Variants in CPAMD8 observed in about 807,000 individuals in gnomAD.
CPAMD8 encodes C3 and PZP-like alpha-2-macroglobulin domain-containing protein 8.
Under a neutral mutation model 224.7 loss-of-function variants are expected in CPAMD8, and 146 were observed. That is an observed-to-expected ratio of 0.65 (90% CI 0.57 to 0.75). The LOEUF is 0.75. Ranked by LOEUF, CPAMD8 falls within the 30% of genes least tolerant of loss-of-function variation. CPAMD8 has a pLI of 0.00. For synonymous variants in CPAMD8, 966 were observed against 1,044.6 expected, an observed-to-expected ratio of 0.92 and a Z score of 1.45; for missense variants, 2,301 against 2,537.5, an observed-to-expected ratio of 0.91 and a Z score of 2.00.
At chr19:16,930,344 A>T (rs560469699) in intron 23 of CPAMD8, among the ~76,000 whole-genome samples, 2 of 152,198 alleles carry the variant, frequency 1.3e-5, no homozygotes, top group Non-Finnish European at 2.9e-5. Flanking sequence ...AATCACCACA[A>T]TGTGATATGA....
intron 7 of CPAMD8, among the ~76,000 whole-genome samples, chr19:17,004,652 CA>C (rs1398148470): frequency 6.6e-6 from 1 of 152,122 alleles, no homozygotes; most frequent in Non-Finnish European, 1.5e-5. Flanking sequence ...CAGCCAGGGC[CA>C]GGGGCAGGCA....
intron 14 of CPAMD8, among the ~76,000 whole-genome samples, chr19:16,978,797 C>G (rs1369502374): frequency 1.3e-5 from 2 of 151,880 alleles, no homozygotes; most frequent in African/African-American, 4.8e-5. Flanking sequence ...ATCCATCCAT[C>G]TCTTCATCCA....
At chr19:16,934,028 C>T (rs577484751) in intron 23 of CPAMD8, among the ~76,000 whole-genome samples, 2 of 152,244 alleles carry the variant, frequency 1.3e-5, no homozygotes, top group African/African-American at 4.8e-5. Flanking sequence ...TTGACACATG[C>T]ACCATGGATG....
At chr19:16,932,427 T>C (rs955742070) in intron 23 of CPAMD8, among the ~76,000 whole-genome samples, 1 of 151,738 alleles carries the variant, frequency 6.6e-6, no homozygotes, top group Non-Finnish European at 1.5e-5. Flanking sequence ...TCTCAAGAAA[T>C]AGTAATGGTA....
At chr19:17,008,725 GA>G in intron 6 of CPAMD8, 166 bp from the exon 7 acceptor site, 1 of 797,910 alleles carries the variant, frequency 1.3e-6, no homozygotes, top group Non-Finnish European at 2.1e-6. Flanking sequence ...TCTGGATAGA[GA>G]AGGATTTGAA....
chr19:16,899,558 GA>G lies in CPAMD8; in HGVS notation c.4774-10del. On this transcript the variant is annotated splice_polypyrimidine_tract_variant and intron_variant, in intron 36 of 41. Transcript: ENST00000443236. This position sits in a 1 kb window ranked among gnomAD's most constrained non-coding sequence, Gnocchi z 5.4. ...TGCTTGTCAAGGAGCAGCTGCAGAGGAAGCCAGAAGTCAGGGTCCTCAGACT... is the reference window on the plus strand; with the variant it reads ...TGCTTGTCAAGGAGCAGCTGCAGAGGAGCCAGAAGTCAGGGTCCTCAGACT... 1 of 1,436,744 alleles carries G rather than the reference GA, an allele frequency of 7.0e-7. No homozygotes were observed. The highest frequency in any genetic ancestry group is 9.8e-7 in the Non-Finnish European group (1 of 1,018,566). The allele number at this position is 1,436,744 out of a possible 1,614,324, so 89.0% of individuals were successfully genotyped here. A position where few individuals can be genotyped will look rare whatever the true frequency, so the allele number is the denominator to read the frequency against.
chr19:16,985,814 G>A (rs769295820), intron 13 of CPAMD8, among the ~76,000 whole-genome samples: 4 of 151,384 alleles, frequency 2.6e-5, no homozygotes, highest in Non-Finnish European at 4.4e-5. Flanking sequence ...ATGAAGAGAG[G>A]GACAGATGGA....
chr19:16,908,412 C>G (rs144904344), intron 29 of CPAMD8, among the ~76,000 whole-genome samples: 1 of 151,716 alleles, frequency 6.6e-6, no homozygotes, highest in South Asian at 2.1e-4. Flanking sequence ...AAGACCTCCA[C>G]AGCCCAGGCC....
chr19:17,011,335 A>G (rs1225392852), intron 5 of CPAMD8, 129 bp downstream of exon 5: 1 of 1,094,152 alleles, frequency 9.1e-7, no homozygotes, highest in Non-Finnish European at 1.3e-6. Flanking sequence ...TCCGGGGGAC[A>G]TGAAACAACC....
At chr19:16,968,314 C>T (rs1405028135) in intron 18 of CPAMD8, among the ~76,000 whole-genome samples, 1 of 152,150 alleles carries the variant, frequency 6.6e-6, no homozygotes, top group Non-Finnish European at 1.5e-5. Flanking sequence ...AAACGTGTGG[C>T]CCCAGCAGGA....
rs2051974941 is a variant in CPAMD8, at chr19:16,896,178, G to A, written c.5424C>T (p.Asp1808=). Residue 1808 remains aspartate, a splice_region_variant and synonymous_variant, in exon 41 of 42, where the codon GAC becomes GAT. Transcript: ENST00000443236. The part of the protein sequence containing the change: ...SDPEPEGEAE[D]RVTAGPRPPV... ...TCTGGGGTGGGCCCAGCTGTTACCT[G>A]TCCTCCGCCTCCCCTTCAGGCTCAG... is the stretch of plus-strand genomic sequence containing the variant. 1.9e-6 allele frequency: 3 copies of A among 1,613,694 alleles called. No homozygotes were observed. In the East Asian group the frequency reaches 6.7e-5, roughly 36 times the overall value.
At chr19:17,019,953 C>CTT (rs11307564) in intron 3 of CPAMD8, among the ~76,000 whole-genome samples, 1 of 123,266 alleles carries the variant, frequency 8.1e-6, no homozygotes, top group African/African-American at 3.1e-5. Context: ...CAATTCAATT[C>CTT]TTTTTTTTTT....
At chr19:17,009,402 C>T (rs2056586423) in intron 5 of CPAMD8, 82 bp from the exon 6 acceptor site, 1 of 1,607,370 alleles carries the variant, frequency 6.2e-7, no homozygotes. Context: ...TGGCCTCGGT[C>T]CCCGGGACAG....
intron 13 of CPAMD8, among the ~76,000 whole-genome samples, chr19:16,987,171 AAAAAAAAAATATATATAT>A (rs1348346039): frequency 2.7e-4 from 26 of 97,136 alleles, no homozygotes; most frequent in Middle Eastern, 5.0e-3. Context: ...AAAAAAAAAA[AAAAAAAAAATATATATAT>A]ATATATATAT....
chr19:17,014,758 C>T (rs539393643), intron 3 of CPAMD8, among the ~76,000 whole-genome samples: 3 of 152,272 alleles, frequency 2.0e-5, no homozygotes, highest in South Asian at 2.1e-4. Flanking sequence ...CCTCCCACAA[C>T]GTGTGGAAAT....
intron 17 of CPAMD8, 25 bp from the exon 18 acceptor site, chr19:16,971,058 C>G: frequency 6.4e-7 from 1 of 1,573,198 alleles, no homozygotes; most frequent in Non-Finnish European, 8.6e-7. Flanking sequence ...ACACCCAAAC[C>G]ATTGGTGGGG....
intron 16 of CPAMD8, 152 bp from the exon 17 acceptor site, chr19:16,975,410 A>G (rs2055227395): frequency 1.5e-6 from 1 of 650,730 alleles, no homozygotes. Context: ...GCCCATTTTA[A>G]GATGGGCAAA....
In CPAMD8 at chr19:16,898,144, C is replaced by CT. The variant is rs35096930; in HGVS notation, c.4849-151dup. The stretch of plus-strand genomic sequence containing the variant: ...CATTTTCTTTTTTTCTTTTACTTTT[C>CT]TTTTTTTTTTTTTTTCCTGAGACAG... On this transcript the variant is annotated intron_variant, in intron 37 of 41. Transcript: ENST00000443236. The surrounding 1 kb of genome is among the most constrained non-coding windows in gnomAD (Gnocchi z 4.2). 0.32 allele frequency: 166,237 copies of CT among 512,108 alleles called. 5,398 individuals are homozygous for CT. Among genetic ancestry groups the CT allele is most frequent in the Middle Eastern group, 0.36 (692 of 1,942 alleles). The allele number at this position is 512,108 out of a possible 1,614,324, so 31.7% of individuals were successfully genotyped here. A position where few individuals can be genotyped will look rare whatever the true frequency, so the allele number is the denominator to read the frequency against.
chr19:17,003,633 C>T (rs2056399069), intron 8 of CPAMD8, among the ~76,000 whole-genome samples: 1 of 151,410 alleles, frequency 6.6e-6, no homozygotes. Flanking sequence ...CAAAAATTAA[C>T]CAGGTGTGGT....
Sources: gnomAD v4.1 joint callset for allele counts (sites outside exome capture counted in the v4.1 genomes callset) on GRCh38, gnomAD v4.1.1 for gene constraint, Gnocchi (gnomAD v3.1) non-coding constraint, MANE v1.5 for transcripts, NCBI Gene and HGNC (gene_info 2026-07-23, HGNC 2026-07-21) for gene names.